The following MAGI2 variants were observed in gnomAD, a reference collection of about 807,000 sequenced individuals.
MAGI2 encodes membrane-associated guanylate kinase, WW and PDZ domain-containing protein 2.
Under a neutral mutation model 133.3 loss-of-function variants are expected in MAGI2, and 35 were observed. That is an observed-to-expected ratio of 0.26 (90% CI 0.20 to 0.35). The LOEUF is 0.35. Among genes scored for constraint, MAGI2 ranks in the 10% least tolerant of loss-of-function variants. MAGI2 has a pLI of 1.00. For missense variants in MAGI2, 1,636 were observed against 1,863.4 expected (o/e 0.88, Z 2.25); for synonymous variants, 729 against 710.6 (o/e 1.03, Z -0.41).
chr7:79,006,524 G>T (rs1807465398), intron 2 of MAGI2: 1 of 152,102 alleles, frequency 6.6e-6, no homozygotes, highest in Non-Finnish European at 1.5e-5. Flanking sequence ...AATCAGAAAC[G>T]ATTGTTTATG....
At chr7:78,439,970 CTAAA>C (rs201552709) in intron 6 of MAGI2, among the ~76,000 whole-genome samples, 2,942 of 151,756 alleles carry the variant, frequency 0.019, 93 homozygotes, top group African/African-American at 0.067. Context: ...CTATATTGGA[CTAAA>C]TAAATATTAT....
chr7:78,633,277 G>A (rs1303109635), intron 2 of MAGI2, among the ~76,000 whole-genome samples: 1 of 151,316 alleles, frequency 6.6e-6, no homozygotes, highest in Non-Finnish European at 1.5e-5. Flanking sequence ...AGGGACAGGA[G>A]CAAAAAGATA....
chr7:78,189,163 T>C (rs1307462362), intron 12 of MAGI2, among the ~76,000 whole-genome samples: 1 of 152,122 alleles, frequency 6.6e-6, no homozygotes, highest in Non-Finnish European at 1.5e-5. Context: ...CAGCCATGAA[T>C]TACATGTGTA....
chr7:78,277,516 C>T (rs555715740), intron 9 of MAGI2, among the ~76,000 whole-genome samples: 84 of 152,228 alleles, frequency 5.5e-4, no homozygotes, highest in African/African-American at 1.9e-3. Context: ...CAGAACAGAG[C>T]TATCCAAAGG....
intron 2 of MAGI2, among the ~76,000 whole-genome samples, chr7:78,739,550 G>C (rs1437961462): frequency 6.6e-6 from 1 of 152,080 alleles, no homozygotes; most frequent in Non-Finnish European, 1.5e-5. Context: ...TAGGAAACAC[G>C]AGCACATGAC....
chr7:78,037,471 G>A (rs2906512), intron 21 of MAGI2, among the ~76,000 whole-genome samples: 60,074 of 151,980 alleles, frequency 0.4, 12,167 homozygotes, highest in Non-Finnish European at 0.41. Flanking sequence ...TTATTTCTGC[G>A]AACAGTCCCA....
intron 21 of MAGI2, among the ~76,000 whole-genome samples, chr7:78,050,614 G>T (rs1811911116): frequency 6.6e-6 from 1 of 152,138 alleles, no homozygotes. Context: ...TGAAACGTTT[G>T]TTTCTCTCTC....
chr7:79,383,817 G>C (rs1170212014), intron 1 of MAGI2, among the ~76,000 whole-genome samples: 1 of 151,250 alleles, frequency 6.6e-6, no homozygotes, highest in Admixed American at 6.6e-5. Context: ...AGGATACTTC[G>C]CTAACATGAT....
Position 79,231,605 on chromosome 7 carries a change from G to A in MAGI2, c.301+221415C>T, listed in dbSNP as rs191123386. Among the ~76,000 whole-genome samples the A allele has an allele frequency of 2.7e-3, 300 of 112,964 alleles. 7 individuals carry two copies. The highest frequency in any genetic ancestry group is 8.1e-3 in the African/African-American group (285 of 35,004). The allele number at this position is 112,964 out of a possible 152,430, so 74.1% of individuals were successfully genotyped here. A position where few individuals can be genotyped will look rare whatever the true frequency, so the allele number is the denominator to read the frequency against. On this transcript the variant is annotated intron_variant, in intron 1 of 21. Transcript: ENST00000354212. The stretch of plus-strand genomic sequence containing the variant: ...TTTGGCTCTCTGTTTGTCTGTTGTC[G>A]GTGTATAAGAATGCTTGTGATTTTC...
intron 2 of MAGI2, among the ~76,000 whole-genome samples, chr7:78,770,674 G>A (rs1429657999): frequency 6.6e-6 from 1 of 152,164 alleles, no homozygotes; most frequent in Non-Finnish European, 1.5e-5. Context: ...ACAAACGAGA[G>A]GCATTTGGCA....
At position 78,497,754 on chromosome 7, in the gene MAGI2, A is replaced by ATCTGTCTGTCTGTCTG. The variant is rs1554442398; in HGVS notation, c.965+3822_965+3823insCAGACAGACAGACAGA. On this transcript the variant is annotated intron_variant, in intron 5 of 21. Transcript: ENST00000354212. ...TATCTATCTATCTATCTATCTATCT[A>ATCTGTCTGTCTGTCTG]TCTATCTATCTTTCTATCTTATACA... Among the ~76,000 whole-genome samples the ATCTGTCTGTCTGTCTG allele has an allele frequency of 4.8e-5, 5 of 104,494 alleles. No individual in the cohort carries two copies. In the East Asian group the frequency reaches 1.4e-3, roughly 30 times the overall value. The allele number at this position is 104,494 out of a possible 152,430, so 68.6% of individuals were successfully genotyped here.
intron 1 of MAGI2, among the ~76,000 whole-genome samples, chr7:79,024,857 A>C (rs1809709141): frequency 1.3e-5 from 2 of 151,944 alleles, no homozygotes; most frequent in African/African-American, 4.8e-5. Context: ...AAAAAAACAC[A>C]TGCTGGCGAG....
At chr7:79,293,576 G>A (rs1020047319) in intron 1 of MAGI2, among the ~76,000 whole-genome samples, 2 of 152,176 alleles carry the variant, frequency 1.3e-5, no homozygotes, top group African/African-American at 4.8e-5. Context: ...GCACCTATGT[G>A]TTAGGCTTTG....
intron 2 of MAGI2, among the ~76,000 whole-genome samples, chr7:78,913,529 C>G (rs747125830): frequency 2.4e-4 from 37 of 152,142 alleles, no homozygotes; most frequent in Admixed American, 1.2e-3. Context: ...ATAAAGTACC[C>G]AGTCTGGTAT....
At position 79,232,470 on chromosome 7, in the gene MAGI2, C is replaced by A. The variant is rs1417777002; in HGVS notation, c.301+220550G>T. ...CTATTGATTATTGCCACATTTTCAG[C>A]TCCTGTTATTGGTCTATTCAGAGAT... is the stretch of plus-strand genomic sequence containing the variant. On this transcript the variant is annotated intron_variant, in intron 1 of 21. Transcript: ENST00000354212. Among the ~76,000 whole-genome samples the A allele has an allele frequency of 5.1e-4, 74 of 146,396 alleles. 1 individual carries two copies. Among genetic ancestry groups the A allele is most frequent in the African/African-American group, 1.8e-3 (69 of 39,086 alleles).
intron 2 of MAGI2, among the ~76,000 whole-genome samples, chr7:78,641,675 G>A (rs1810327800): frequency 6.6e-6 from 1 of 152,046 alleles, no homozygotes; most frequent in Admixed American, 6.5e-5. Flanking sequence ...AGCATTAAGT[G>A]TAACATTTCA....
intron 2 of MAGI2, among the ~76,000 whole-genome samples, chr7:78,881,938 G>GA (rs981744972): frequency 6.7e-6 from 1 of 149,186 alleles, no homozygotes; most frequent in African/African-American, 2.5e-5. Context: ...GAAAAGAAAA[G>GA]AAAAAACAAA....
At chr7:78,174,731 TGACCATACCCGAAA>T (rs1376881096) in intron 14 of MAGI2, among the ~76,000 whole-genome samples, 14 of 152,200 alleles carry the variant, frequency 9.2e-5, no homozygotes, top group African/African-American at 3.4e-4. Flanking sequence ...GGGTAGGGGC[TGACCATACCCGAAA>T]GACCAGCATT....
intron 20 of MAGI2, among the ~76,000 whole-genome samples, chr7:78,089,684 C>CCT (rs1816993565): frequency 2.0e-5 from 3 of 152,136 alleles, no homozygotes. Flanking sequence ...GTTACCTTTG[C>CCT]CTCTGGTCAG....
Sources: allele counts gnomAD v4.1 joint callset (sites outside exome capture counted in the v4.1 genomes callset), GRCh38; gene constraint gnomAD v4.1.1; transcripts MANE v1.5; gene names NCBI Gene and HGNC (gene_info 2026-07-23, HGNC 2026-07-21).